The following PLCG2 variants were observed in gnomAD, a reference collection of about 807,000 sequenced individuals.
The protein encoded by PLCG2 is phospholipase C gamma 2.
PLCG2 carries 69 observed loss-of-function variants against 175.6 expected under a neutral mutation model. The ratio of observed to expected loss-of-function variants is 0.39; its 90% CI spans 0.32 to 0.48. The LOEUF (loss-of-function observed/expected upper bound fraction) is 0.48. Among genes scored for constraint, PLCG2 ranks in the 20% least tolerant of loss-of-function variants. The pLI is 0.91. For synonymous variants in PLCG2, 827 were observed against 624.0 expected (o/e 1.33, Z -4.85); for missense variants, 1,798 against 1,650.9 (o/e 1.09, Z -1.54).
At position 81,934,464 on chromosome 16, in the gene PLCG2, C is replaced by T; in HGVS notation, c.2775C>T (p.Ser925=). 1 of 1,613,412 alleles carries T rather than the reference C, an allele frequency of 6.2e-7. No individual in the cohort carries two copies. Among genetic ancestry groups the T allele is most frequent in the African/African-American group, 1.3e-5 (1 of 74,946 alleles). Residue 925 remains serine (S), a synonymous_variant, in exon 26 of 33, where the codon TCC becomes TCT. Transcript: ENST00000564138. ...NNMKYWEKNQ[S]IAIELSDLVV... is the part of the protein sequence containing the mutation. Reference sequence around the variant, plus strand: ...TGAAGTACTGGGAGAAGAACCAGTCCATCGCCATCGAGCTCTCTGACCTGG... The same window carrying T: ...TGAAGTACTGGGAGAAGAACCAGTCTATCGCCATCGAGCTCTCTGACCTGG...
At chr16:81,918,430 T>C (rs1232890920) in intron 19 of PLCG2, among the ~76,000 whole-genome samples, 1 of 152,220 alleles carries the variant, frequency 6.6e-6, no homozygotes, top group Non-Finnish European at 1.5e-5. Flanking sequence ...CTATTATTTC[T>C]ATATAGGAAT....
chr16:81,922,416 ACC>A (rs1343520876), intron 21 of PLCG2, among the ~76,000 whole-genome samples: 1 of 152,258 alleles, frequency 6.6e-6, no homozygotes, highest in Non-Finnish European at 1.5e-5. Context: ...TAAAGGAGAT[ACC>A]TTAAGGCTTG....
At chr16:81,815,219 A>T (rs149356390) in intron 2 of PLCG2, among the ~76,000 whole-genome samples, 252 of 152,178 alleles carry the variant, frequency 1.7e-3, no homozygotes, top group African/African-American at 5.9e-3. Context: ...TTTATTGCAT[A>T]TGGGGCCTTA....
chr16:81,745,500 C>G (rs899897299), intron 1 of PLCG2, among the ~76,000 whole-genome samples: 2 of 152,142 alleles, frequency 1.3e-5, no homozygotes, highest in African/African-American at 4.8e-5. Flanking sequence ...TGGACCCTGA[C>G]TAACTAATAG....
chr16:81,762,344 G>A (rs551788177), intron 2 of PLCG2, among the ~76,000 whole-genome samples: 8 of 152,100 alleles, frequency 5.3e-5, no homozygotes, highest in South Asian at 2.1e-4. Context: ...CAAGGTAGGC[G>A]GATCACCTGA....
rs1910776095 is a variant in PLCG2, at chr16:81,937,795, C to G, written c.3090C>G (p.Leu1030=). The part of the protein sequence containing the change: ...YMQMNHALFS[L]NGRTGYVLQP... The stretch of plus-strand genomic sequence containing the variant: ...AGATGAATCACGCATTGTTTTCTCT[C>G]AATGGGCGCACGGGCTACGTTCTGC... Residue 1030 remains leucine, a synonymous_variant, in exon 28 of 33, where the codon CTC becomes CTG. Transcript: ENST00000564138. The G allele has an allele frequency of 2.5e-6, 4 of 1,613,982 alleles. No individual in the cohort carries two copies. Among genetic ancestry groups the G allele is most frequent in the South Asian group, 2.2e-5 (2 of 91,064 alleles).
intron 1 of PLCG2, among the ~76,000 whole-genome samples, chr16:81,744,596 C>T (rs1357495004): frequency 3.7e-5 from 2 of 54,570 alleles, no homozygotes; most frequent in Non-Finnish European, 1.3e-4. Flanking sequence ...GATAAGGAGG[C>T]AAGTTTGTTT....
At chr16:81,910,789 C>A in intron 18 of PLCG2, 69 bp downstream of exon 18, 2 of 1,450,132 alleles carry the variant, frequency 1.4e-6, no homozygotes, top group Non-Finnish European at 1.9e-6. Context: ...GAGAAGCTGG[C>A]CTGGTGGTTC....
chr16:81,925,284 A>G (rs371370418), intron 22 of PLCG2, among the ~76,000 whole-genome samples: 2 of 152,284 alleles, frequency 1.3e-5, no homozygotes, highest in Admixed American at 6.5e-5. Context: ...GCTTTTTTGC[A>G]TACTTCCAAA....
chr16:81,761,352 C>A (rs968611371), intron 2 of PLCG2, among the ~76,000 whole-genome samples: 2 of 152,150 alleles, frequency 1.3e-5, no homozygotes, highest in African/African-American at 2.4e-5. Context: ...GCAACAGGGC[C>A]AGACCTTGTC....
intron 2 of PLCG2, among the ~76,000 whole-genome samples, chr16:81,808,614 C>T (rs896802778): frequency 7.2e-5 from 11 of 152,190 alleles, no homozygotes; most frequent in African/African-American, 2.7e-4. Flanking sequence ...CTGTCTCAGC[C>T]TCCTGAGTAG....
chr16:81,911,790 CTTTTTTTTTT>C (rs35027472), intron 18 of PLCG2, among the ~76,000 whole-genome samples: 3 of 67,252 alleles, frequency 4.5e-5, no homozygotes, highest in South Asian at 6.1e-4. Flanking sequence ...TTTGTATTTC[CTTTTTTTTTT>C]TTTTTTTTTT....
chr16:81,792,313 C>G (rs917902323), intron 2 of PLCG2, among the ~76,000 whole-genome samples: 3 of 151,874 alleles, frequency 2.0e-5, no homozygotes, highest in Non-Finnish European at 2.9e-5. Context: ...GAAGCCCCAT[C>G]TCTACTAAAA....
In PLCG2 at chr16:81,945,795, G is replaced by A. The variant is rs150906807; in HGVS notation, c.3482-380G>A. ...CCCTGGTCCTGTGCTTTGTAAGGCTGTAAGTGGAGGAAATGGATGAGGATT... is the reference window on the plus strand; with the variant it reads ...CCCTGGTCCTGTGCTTTGTAAGGCTATAAGTGGAGGAAATGGATGAGGATT... On this transcript the variant is annotated intron_variant, in intron 30 of 32. Transcript: ENST00000564138. Among the ~76,000 whole-genome samples the A allele has an allele frequency of 2.0e-4, 30 of 152,310 alleles. No individual in the cohort carries two copies. The East Asian group carries it at 4.6e-3, about 23-fold the overall frequency.
chr16:81,744,155 G>C (rs1009689222), intron 1 of PLCG2, among the ~76,000 whole-genome samples: 1 of 147,492 alleles, frequency 6.8e-6, no homozygotes, highest in African/African-American at 2.5e-5. Flanking sequence ...ACCGTGCCCA[G>C]CCAACTTCCC....
At chr16:81,904,136 G>C (rs1445489331) in intron 14 of PLCG2, among the ~76,000 whole-genome samples, 1 of 152,202 alleles carries the variant, frequency 6.6e-6, no homozygotes, top group African/African-American at 2.4e-5. Context: ...TCTGCCCTCA[G>C]AGCCTGTTTT....
chr16:81,742,904 C>A (rs1312278486), intron 1 of PLCG2, among the ~76,000 whole-genome samples: 1 of 152,190 alleles, frequency 6.6e-6, no homozygotes, highest in Non-Finnish European at 1.5e-5. Flanking sequence ...GTGAAGAGGG[C>A]CTGCTCTGTG....
chr16:81,949,494 G>A (rs8047356), intron 31 of PLCG2, among the ~76,000 whole-genome samples: 126,758 of 152,148 alleles, frequency 0.83, 52,900 homozygotes, highest in East Asian at 0.94. Flanking sequence ...CTAGGAAGAC[G>A]GAATAATTCA....
intron 31 of PLCG2, among the ~76,000 whole-genome samples, chr16:81,950,481 TC>T (rs1911323362): frequency 6.6e-6 from 1 of 152,208 alleles, no homozygotes; most frequent in Admixed American, 6.5e-5. Flanking sequence ...ATTTGGAAAG[TC>T]TTGTATATAA....
Sources: allele counts gnomAD v4.1 joint callset (sites outside exome capture counted in the v4.1 genomes callset), GRCh38; gene constraint gnomAD v4.1.1; transcripts MANE v1.5; gene names NCBI Gene and HGNC (gene_info 2026-07-23, HGNC 2026-07-21).